Variants in TCF20 observed in about 807,000 individuals in gnomAD.
TCF20 encodes SPRE-binding protein.
A neutral mutation model predicts 148.6 loss-of-function variants in TCF20; 3 were observed. That is an observed-to-expected ratio of 0.02 (90% CI 0.01 to 0.05). The LOEUF is 0.05. Among genes scored for constraint, TCF20 ranks in the 10% least tolerant of loss-of-function variants. The pLI is 1.00. For synonymous variants in TCF20, 1,049 were observed against 909.5 expected, an observed-to-expected ratio of 1.15 and a Z score of -2.76; for missense variants, 2,350 against 2,429.3, an observed-to-expected ratio of 0.97 and a Z score of 0.69.
intron 1 of TCF20, among the ~76,000 whole-genome samples, chr22:42,302,898 T>G (rs1927363512): frequency 6.6e-6 from 1 of 152,208 alleles, no homozygotes; most frequent in African/African-American, 2.4e-5. Context: ...TAATAGATGC[T>G]GGGGTGACTA....
Position 42,214,590 on chromosome 22 carries a change from G to A in TCF20, c.716C>T (p.Ala239Val), listed in dbSNP as rs1455886397. 9 of 1,613,938 alleles carry A rather than the reference G, an allele frequency of 5.6e-6. No homozygotes were observed. In the Admixed American group the frequency reaches 1.5e-4, roughly 27 times the overall value. ...GAAGGAGGAGGAGGAGGAGGAGGAAGCAGAAGACTGATAGTGTTGGCCAAA... is the reference window on the plus strand; with the variant it reads ...GAAGGAGGAGGAGGAGGAGGAGGAAACAGAAGACTGATAGTGTTGGCCAAA... ...GQFGQHYQSS[A>V]SSSSSSSFPS... Residue 239 changes from alanine to valine, a missense_variant, in exon 2 of 6, where the codon GCT (alanine) becomes GTT (valine). Physicochemically the swap from Ala to Val is moderately conservative, Grantham distance 64. Coordinates refer to ENST00000677622, the MANE Select transcript of TCF20 (RefSeq NM_001378418.1).
intron 1 of TCF20, among the ~76,000 whole-genome samples, chr22:42,265,116 A>C (rs568486466): frequency 3.3e-4 from 51 of 152,354 alleles, no homozygotes; most frequent in African/African-American, 1.2e-3. Context: ...CATATTACCC[A>C]AAAAGCAAAC....
chr22:42,224,033 A>C (rs777985113), intron 1 of TCF20, among the ~76,000 whole-genome samples: 2 of 152,208 alleles, frequency 1.3e-5, no homozygotes, highest in Non-Finnish European at 2.9e-5. Flanking sequence ...CTAGAAGGAA[A>C]GAAACCCACA....
upstream of TCF20, chr22:42,275,152 G>C (rs1238627869): frequency 6.6e-6 from 1 of 152,296 alleles, no homozygotes; most frequent in Non-Finnish European, 1.5e-5. Flanking sequence ...TAGACAGTCA[G>C]TAGGACCAAA....
intron 1 of TCF20, among the ~76,000 whole-genome samples, chr22:42,275,854 T>A (rs931798682): frequency 2.0e-5 from 3 of 152,188 alleles, no homozygotes; most frequent in African/African-American, 7.2e-5. Flanking sequence ...GACAAAGGCA[T>A]GCTCTAAGCG....
chr22:42,228,424 T>G (rs1362731595), intron 1 of TCF20, among the ~76,000 whole-genome samples: 1 of 152,214 alleles, frequency 6.6e-6, no homozygotes, highest in Admixed American at 6.5e-5. Flanking sequence ...TTCATTCAAC[T>G]GTCACAATAA....
Position 42,213,936 on chromosome 22 carries a change from C to G in TCF20, c.1370G>C (p.Ser457Thr), listed in dbSNP as rs1229405539. 6.2e-7 allele frequency: 1 copy of G among 1,614,160 alleles called. No homozygotes were observed. Among genetic ancestry groups the G allele is most frequent in the Admixed American group, 1.7e-5 (1 of 60,024 alleles). The change falls in exon 2 of 6, where the codon AGT (serine) becomes ACT (threonine). Residue 457 changes from serine to threonine, a missense_variant. Physicochemically the swap from Ser to Thr is moderately conservative, Grantham distance 58. This residue lies in a region of TCF20 where 1,641 missense variants were observed against 1,662.6 expected (regional missense o/e 0.99). Transcript: ENST00000677622. The part of the protein sequence containing the change: ...RLTDPGLSSL[S>T]ALSTQVANLP... ...ATTGGCCACTTGAGTACTCAGAGCA[C>G]TCAAACTACTCAACCCAGGATCTGT... is the stretch of plus-strand genomic sequence containing the variant.
At chr22:42,203,244 T>C (rs1034698445) in intron 2 of TCF20, among the ~76,000 whole-genome samples, 2 of 152,124 alleles carry the variant, frequency 1.3e-5, no homozygotes, top group African/African-American at 4.8e-5. Context: ...CCCAGGCTGG[T>C]CTCAAACTCC....
intron 1 of TCF20, among the ~76,000 whole-genome samples, chr22:42,256,734 G>T (rs1438308139): frequency 6.6e-6 from 1 of 152,168 alleles, no homozygotes; most frequent in Middle Eastern, 3.2e-3. Flanking sequence ...TAATGTACAG[G>T]TACTGGTAAA....
At chr22:42,256,068 G>A (rs134869) in intron 1 of TCF20, among the ~76,000 whole-genome samples, 53,017 of 151,710 alleles carry the variant, frequency 0.35, 10,968 homozygotes, top group South Asian at 0.47. Flanking sequence ...TCTCTCTCTC[G>A]TCCATCCTTC....
intron 1 of TCF20, among the ~76,000 whole-genome samples, chr22:42,319,623 C>T (rs761272005): frequency 2.0e-5 from 3 of 152,160 alleles, no homozygotes; most frequent in African/African-American, 7.2e-5. Flanking sequence ...CTTCTACCAG[C>T]GCTGGAACTT....
chr22:42,244,222 G>T (rs1474725483), intron 1 of TCF20, among the ~76,000 whole-genome samples: 1 of 152,204 alleles, frequency 6.6e-6, no homozygotes, highest in Non-Finnish European at 1.5e-5. Flanking sequence ...CTGTGAAAAA[G>T]TCTGGTGGTT....
chr22:42,341,108 G>C (rs535493727), intron 1 of TCF20, among the ~76,000 whole-genome samples: 9 of 152,232 alleles, frequency 5.9e-5, no homozygotes, highest in Admixed American at 2.0e-4. Context: ...CTAGCAGCAG[G>C]AGGAGGCCGT....
intron 1 of TCF20, among the ~76,000 whole-genome samples, chr22:42,231,928 C>CAAAAAAAAAAAA (rs55642530): frequency 8.1e-6 from 1 of 123,280 alleles, no homozygotes; most frequent in Non-Finnish European, 1.7e-5. Flanking sequence ...GACTCCGTCT[C>CAAAAAAAAAAAA]AAAAAAAAAA....
intron 3 of TCF20, among the ~76,000 whole-genome samples, chr22:42,172,909 G>T (rs964141901): frequency 1.3e-5 from 2 of 152,192 alleles, no homozygotes; most frequent in African/African-American, 2.4e-5. Context: ...CCATAAGGAG[G>T]GAAATATGGG....
chr22:42,274,208 GC>G (rs1442484124), upstream of TCF20: 4 of 152,714 alleles, frequency 2.6e-5, no homozygotes, highest in African/African-American at 9.7e-5. Context: ...AAAGCCTCTG[GC>G]TAACAGAGCG....
rs1469975809 is a variant in TCF20 at position 42,211,853 on chromosome 22, A to T, written c.3453T>A (p.Thr1151=). ...DGMMYGPPVG[T]YHDPSAQEAG... ...CCTCCTGGGCACTGGGGTCATGGTA[A>T]GTCCCCACTGGTGGGCCATACATCA... The change falls in exon 2 of 6, where the codon ACT becomes ACA. Residue 1151 remains threonine, a synonymous_variant. Coordinates refer to ENST00000677622, the MANE Select transcript of TCF20 (RefSeq NM_001378418.1). 1 of 1,614,166 alleles carries T rather than the reference A, an allele frequency of 6.2e-7. No individual in the cohort carries two copies. The highest frequency in any genetic ancestry group is 1.1e-5 in the South Asian group (1 of 91,084).
intron 5 of TCF20, among the ~76,000 whole-genome samples, chr22:42,161,961 C>T (rs1308360731): frequency 7.5e-6 from 1 of 133,568 alleles, no homozygotes; most frequent in Non-Finnish European, 1.5e-5. Context: ...CCATGCTTGG[C>T]TAATGACAGT....
At chr22:42,295,358 C>A (rs1927213767) in intron 1 of TCF20, among the ~76,000 whole-genome samples, 1 of 152,192 alleles carries the variant, frequency 6.6e-6, no homozygotes, top group Non-Finnish European at 1.5e-5. Flanking sequence ...CTGGTCCTTC[C>A]CACCTGGCAA....
Sources: allele counts gnomAD v4.1 joint callset (sites outside exome capture counted in the v4.1 genomes callset), GRCh38; gene constraint gnomAD v4.1.1; regional missense constraint gnomAD v4.1.1; transcripts MANE v1.5; gene names NCBI Gene and HGNC (gene_info 2026-07-23, HGNC 2026-07-21).